Variants in FLRT2 observed in about 807,000 individuals in gnomAD.
The protein encoded by FLRT2 is leucine-rich repeat transmembrane protein FLRT2.
Under a neutral mutation model 40.0 loss-of-function variants are expected in FLRT2, and 15 were observed. That is an observed-to-expected ratio of 0.38 (90% CI 0.25 to 0.58). The LOEUF (loss-of-function observed/expected upper bound fraction) is 0.58, where lower values mean the gene tolerates loss of function less well. Among genes scored for constraint, FLRT2 ranks in the 20% least tolerant of loss-of-function variants. FLRT2 has a pLI of 0.71. For synonymous variants in FLRT2, 380 were observed against 336.8 expected (o/e 1.13, Z -1.41); for missense variants, 726 against 840.0 (o/e 0.86, Z 1.68).
At chr14:85,584,862 C>T (rs943377829) in intron 1 of FLRT2, among the ~76,000 whole-genome samples, 2 of 139,302 alleles carry the variant, frequency 1.4e-5, no homozygotes, top group African/African-American at 5.3e-5. Context: ...GGCTTTTGTA[C>T]TCTTGCTTAG....
At chr14:85,590,043 G>A (rs1161611849) in intron 1 of FLRT2, among the ~76,000 whole-genome samples, 1 of 133,120 alleles carries the variant, frequency 7.5e-6, no homozygotes, top group Non-Finnish European at 1.6e-5. Flanking sequence ...CTCCAGTTTT[G>A]TTGTTTTTGC....
At chr14:85,616,271 G>A (rs1193446799) in intron 1 of FLRT2, among the ~76,000 whole-genome samples, 1 of 147,658 alleles carries the variant, frequency 6.8e-6, no homozygotes, top group Non-Finnish European at 1.5e-5. Flanking sequence ...TGGAGAGGAA[G>A]CAACATATTC....
rs1894341911 is a variant in FLRT2 at position 85,647,795 on chromosome 14, C to T, written c.*24298C>T. 1 of 152,208 alleles carries T rather than the reference C, an allele frequency of 6.6e-6. No individual in the cohort carries two copies. The highest frequency in any genetic ancestry group is 6.6e-5 in the Admixed American group (1 of 15,266). 9.4% of individuals were successfully genotyped at this position (152,208 alleles called of 1,614,324 possible). A position where few individuals can be genotyped will look rare whatever the true frequency, so the allele number is the denominator to read the frequency against. On this transcript the variant is annotated 3_prime_UTR_variant, in exon 2 of 2. Transcript: ENST00000330753. Reference sequence around the variant, plus strand: ...CAGGCAGAACCACTAAGAGTAAAAACCCCTCAGGAATTAGGATTCGGGTCA... The same window carrying T: ...CAGGCAGAACCACTAAGAGTAAAAATCCCTCAGGAATTAGGATTCGGGTCA...
At chr14:85,576,781 A>G (rs2139868913) in intron 1 of FLRT2, among the ~76,000 whole-genome samples, 1 of 152,328 alleles carries the variant, frequency 6.6e-6, no homozygotes, top group African/African-American at 2.4e-5. Context: ...ATTGGAGAAA[A>G]GGTATTGTAG....
intron 1 of FLRT2, among the ~76,000 whole-genome samples, chr14:85,612,362 A>G (rs1207957967): frequency 6.6e-6 from 1 of 152,150 alleles, no homozygotes; most frequent in African/African-American, 2.4e-5. Flanking sequence ...CAAGGCCACC[A>G]CTATAGATTA....
intron 1 of FLRT2, among the ~76,000 whole-genome samples, chr14:85,577,546 C>A (rs1382701522): frequency 1.3e-5 from 2 of 152,060 alleles, no homozygotes; most frequent in African/African-American, 4.8e-5. Context: ...CTATTAGCCT[C>A]TGAGGACTAT....
chr14:85,629,733 AT>A lies in FLRT2; in HGVS notation c.*6241del, dbSNP rs1566770660. On this transcript the variant is annotated 3_prime_UTR_variant, in exon 2 of 2. Transcript: ENST00000330753. ...ATCCTTGAGACTGACTAGCCTTCAG[AT>A]TTTTCATGATGGAGCTATCATAACT... 3.3e-5 allele frequency: 5 copies of A among 152,200 alleles called. No homozygotes were observed. Among genetic ancestry groups the A allele is most frequent in the Admixed American group, 2.0e-4 (3 of 15,284 alleles). The allele number at this position is 152,200 out of a possible 1,614,324, so 9.4% of individuals were successfully genotyped here. A position where few individuals can be genotyped will look rare whatever the true frequency, so the allele number is the denominator to read the frequency against.
At chr14:85,594,919 A>C (rs1892063664) in intron 1 of FLRT2, among the ~76,000 whole-genome samples, 1 of 152,182 alleles carries the variant, frequency 6.6e-6, no homozygotes, top group Non-Finnish European at 1.5e-5. Flanking sequence ...TCTTACAATA[A>C]ACTAGAGAAA....
At chr14:85,598,410 G>T (rs893739223) in intron 1 of FLRT2, among the ~76,000 whole-genome samples, 4 of 152,320 alleles carry the variant, frequency 2.6e-5, no homozygotes, top group East Asian at 3.9e-4. Flanking sequence ...ACTGAATAAA[G>T]CCATTATACG....
chr14:85,587,281 G>C (rs1418915992), intron 1 of FLRT2, among the ~76,000 whole-genome samples: 1 of 131,140 alleles, frequency 7.6e-6, no homozygotes, highest in Admixed American at 8.4e-5. Context: ...AGCTGGCTAA[G>C]GAATGGAAAA....
intron 1 of FLRT2, among the ~76,000 whole-genome samples, chr14:85,618,444 CTG>C (rs1333698575): frequency 1.3e-5 from 2 of 152,106 alleles, no homozygotes; most frequent in African/African-American, 4.8e-5. Flanking sequence ...TAGCACCAAA[CTG>C]TTTTTTATTC....
At chr14:85,560,794 C>A (rs1276302070) in intron 1 of FLRT2, 9 of 150,888 alleles carry the variant, frequency 6.0e-5, no homozygotes, top group Admixed American at 4.0e-4. Context: ...AGCCTGCCTG[C>A]GTTAGGGTCT....
At chr14:85,554,035 A>C (rs1889802401) in intron 1 of FLRT2, among the ~76,000 whole-genome samples, 1 of 152,220 alleles carries the variant, frequency 6.6e-6, no homozygotes, top group Non-Finnish European at 1.5e-5. Context: ...AATATGAAGC[A>C]AGGCCTCCCT....
chr14:85,571,738 G>C (rs759055107), intron 1 of FLRT2, among the ~76,000 whole-genome samples: 1 of 152,008 alleles, frequency 6.6e-6, no homozygotes, highest in Non-Finnish European at 1.5e-5. Context: ...GACCTTTTTC[G>C]CTCATCAAGT....
At chr14:85,580,323 A>C (rs1891326869) in intron 1 of FLRT2, among the ~76,000 whole-genome samples, 1 of 152,138 alleles carries the variant, frequency 6.6e-6, no homozygotes, top group Admixed American at 6.6e-5. Flanking sequence ...AGTTTTCAGA[A>C]GTAATTTTGT....
chr14:85,558,968 G>A (rs1386050680), intron 1 of FLRT2, among the ~76,000 whole-genome samples: 4 of 152,168 alleles, frequency 2.6e-5, no homozygotes, highest in African/African-American at 9.7e-5. Context: ...CTTCCTAAAC[G>A]TTTAGTGTTC....
In FLRT2 at chr14:85,628,093, GAGGAGTTTATATGA is replaced by G; in HGVS notation, c.*4598_*4611del. 6.5e-6 allele frequency: 1 copy of G among 152,904 alleles called. No individual in the cohort carries two copies. The highest frequency in any genetic ancestry group is 2.4e-5 in the African/African-American group (1 of 41,546). The allele number at this position is 152,904 out of a possible 1,614,324, so 9.5% of individuals were successfully genotyped here. A position where few individuals can be genotyped will look rare whatever the true frequency, so the allele number is the denominator to read the frequency against. ...AAAGGCCATTTGATCCTTTTTGTGTGAGGAGTTTATATGAAATCCTCATGTTCTTTTAAATTTCC... is the reference window on the plus strand; with the variant it reads ...AAAGGCCATTTGATCCTTTTTGTGTGAATCCTCATGTTCTTTTAAATTTCC... On this transcript the variant is annotated 3_prime_UTR_variant, in exon 2 of 2. Coordinates refer to ENST00000330753, the MANE Select transcript of FLRT2 (RefSeq NM_013231.6).
In FLRT2 at chr14:85,623,548, C is replaced by T. The variant is rs753425995; in HGVS notation, c.*51C>T. 2.2e-6 allele frequency: 3 copies of T among 1,360,450 alleles called. No individual in the cohort carries two copies. Among genetic ancestry groups the T allele is most frequent in the Non-Finnish European group, 1.9e-6 (2 of 1,040,610 alleles). 84.3% of individuals were successfully genotyped at this position (1,360,450 alleles called of 1,614,324 possible). On this transcript the variant is annotated 3_prime_UTR_variant, in exon 2 of 2. Coordinates refer to ENST00000330753, the MANE Select transcript of FLRT2 (RefSeq NM_013231.6). ...GCGGACAATTAGACTCTTGAGAACA[C>T]ACTCGTGTGTGCACATAAAGACACG...
At chr14:85,585,013 G>A (rs1891555214) in intron 1 of FLRT2, among the ~76,000 whole-genome samples, 1 of 152,116 alleles carries the variant, frequency 6.6e-6, no homozygotes, top group Non-Finnish European at 1.5e-5. Context: ...GGCTTTTGTG[G>A]CATGAGGAAA....
Sources: allele counts gnomAD v4.1 joint callset (sites outside exome capture counted in the v4.1 genomes callset), GRCh38; gene constraint gnomAD v4.1.1; transcripts MANE v1.5; gene names NCBI Gene and HGNC (gene_info 2026-07-23, HGNC 2026-07-21).